The following CENPC variants were observed in gnomAD, a reference collection of about 807,000 sequenced individuals.
CENPC encodes CENP-C 1.
In CENPC, 63 loss-of-function variants were observed where a neutral mutation model predicts 112.1. The observed-to-expected ratio is 0.56, with a 90% CI of 0.46 to 0.69. The LOEUF is 0.69. CENPC is among the 30% of genes least tolerant of loss of function. The pLI, the probability that CENPC is intolerant of heterozygous loss-of-function variation, is 0.00. For missense variants in CENPC, 1,000 were observed against 1,103.8 expected (o/e 0.91, Z 1.33); for synonymous variants, 333 against 367.6 (o/e 0.91, Z 1.08).
intron 17 of CENPC, among the ~76,000 whole-genome samples, chr4:67,488,996 T>C (rs1725163839): frequency 6.6e-6 from 1 of 151,922 alleles, no homozygotes; most frequent in Non-Finnish European, 1.5e-5. Context: ...AAGAGAATCA[T>C]TCTGACTGTG....
At chr4:67,523,526 C>CAAG (rs979642734) in intron 5 of CENPC, among the ~76,000 whole-genome samples, 1 of 152,032 alleles carries the variant, frequency 6.6e-6, no homozygotes, top group African/African-American at 2.4e-5. Flanking sequence ...TACAGATAAG[C>CAAG]AAGAGGAGGA....
At chr4:67,505,713 T>C (rs1217621245) in intron 11 of CENPC, among the ~76,000 whole-genome samples, 2 of 152,160 alleles carry the variant, frequency 1.3e-5, no homozygotes, top group East Asian at 3.8e-4. Context: ...TTTCAATCCA[T>C]GGGGGTTGAA....
At chr4:67,504,692 G>A (rs563984565) in intron 12 of CENPC, among the ~76,000 whole-genome samples, 10 of 151,964 alleles carry the variant, frequency 6.6e-5, no homozygotes, top group Non-Finnish European at 1.5e-4. Context: ...CGTGGTGGCA[G>A]GTGCCTGTAA....
At chr4:67,491,653 T>G (rs895941503) in intron 16 of CENPC, among the ~76,000 whole-genome samples, 6 of 151,734 alleles carry the variant, frequency 4.0e-5, no homozygotes, top group African/African-American at 9.7e-5. Context: ...CTTCCAGGAC[T>G]TTGCAGCACC....
At chr4:67,526,848 A>AT (rs1726394530) in intron 5 of CENPC, among the ~76,000 whole-genome samples, 1 of 151,990 alleles carries the variant, frequency 6.6e-6, no homozygotes, top group Admixed American at 6.6e-5. Flanking sequence ...AACAGAAAAC[A>AT]TTTTTTTTAA....
intron 17 of CENPC, among the ~76,000 whole-genome samples, chr4:67,475,499 C>G (rs1219024693): frequency 6.6e-6 from 1 of 152,226 alleles, no homozygotes; most frequent in Non-Finnish European, 1.5e-5. Context: ...GAAATACAAA[C>G]CTGTCAACAT....
chr4:67,491,523 A>AGAGAGAGAGAGAGC (rs1725279023), intron 16 of CENPC, among the ~76,000 whole-genome samples: 1 of 132,700 alleles, frequency 7.5e-6, no homozygotes, highest in Non-Finnish European at 1.6e-5. Context: ...AGAGAGAGAG[A>AGAGAGAGAGAGAGC]GAGAGCCTGG....
intron 5 of CENPC, among the ~76,000 whole-genome samples, chr4:67,519,831 T>C (rs960517284): frequency 2.0e-5 from 3 of 152,162 alleles, no homozygotes; most frequent in Admixed American, 6.5e-5. Context: ...CATTTATCTA[T>C]AATGAGAAAA....
chr4:67,494,424 C>T (rs1725374502), intron 13 of CENPC, among the ~76,000 whole-genome samples: 1 of 152,174 alleles, frequency 6.6e-6, no homozygotes, highest in Non-Finnish European at 1.5e-5. Context: ...TGCTCAGGAA[C>T]ATTTTTATTT....
At chr4:67,535,836 A>AT (rs200047585) in intron 4 of CENPC, among the ~76,000 whole-genome samples, 1 of 151,228 alleles carries the variant, frequency 6.6e-6, no homozygotes. Flanking sequence ...GGGAAAAAAA[A>AT]TCAAGAAACA....
At chr4:67,495,343 C>A (rs902669397) in intron 12 of CENPC, 131 bp from the exon 13 acceptor site, 2 of 841,886 alleles carry the variant, frequency 2.4e-6, no homozygotes, top group Admixed American at 3.7e-5. Context: ...TTTATTACTC[C>A]TTTTGCTTTT....
chr4:67,485,474 C>CA lies in CENPC; in HGVS notation c.2670+4492_2670+4493insT, dbSNP rs200945714. Reference sequence around the variant, plus strand: ...ATTCACACTCTGGAATCTTAACCCCCCCAATGTGATGGGATCAGGAGGTGG... The same window carrying CA: ...ATTCACACTCTGGAATCTTAACCCCCACCAATGTGATGGGATCAGGAGGTGG... On this transcript the variant is annotated intron_variant, in intron 17 of 18. Coordinates refer to ENST00000273853, the MANE Select transcript of CENPC (RefSeq NM_001812.4). 1.6e-3 allele frequency among the ~76,000 whole-genome samples: 244 copies of CA among 151,876 alleles called. 1 individual carries two copies. Among genetic ancestry groups the CA allele is most frequent in the African/African-American group, 4.2e-3 (174 of 41,396 alleles).
chr4:67,495,107 AACTT>A, intron 13 of CENPC, 48 bp downstream of exon 13: 1 of 1,397,068 alleles, frequency 7.2e-7, no homozygotes, highest in Non-Finnish European at 9.6e-7. Flanking sequence ...TAGAAACAGA[AACTT>A]AAGGTATTTT....
chr4:67,505,021 CTG>C, intron 12 of CENPC, 182 bp downstream of exon 12: 1 of 560,888 alleles, frequency 1.8e-6, no homozygotes, highest in East Asian at 3.1e-5. Context: ...ACTTAAAAAA[CTG>C]TCACTCATTT....
intron 12 of CENPC, among the ~76,000 whole-genome samples, chr4:67,499,155 T>G (rs913525454): frequency 6.6e-6 from 1 of 152,194 alleles, no homozygotes; most frequent in Non-Finnish European, 1.5e-5. Context: ...TTTAGCATAA[T>G]TCTTAAGGAC....
At position 67,518,439 on chromosome 4, in the gene CENPC, C is replaced by G. The variant is rs1331601396; in HGVS notation, c.618-71G>C. The G allele has an allele frequency of 2.8e-6, 4 of 1,412,964 alleles. No individual in the cohort carries two copies. In the African/African-American group the frequency reaches 4.4e-5, roughly 15 times the overall value. 87.5% of individuals were successfully genotyped at this position (1,412,964 alleles called of 1,614,324 possible). ...CTTGAGTTATAAGTCTTCCTGAACT[C>G]CTTTACAGAGACAATACAGACCAAT... On this transcript the variant is annotated intron_variant, in intron 6 of 18. Transcript: ENST00000273853.
Position 67,469,953 on chromosome 4 carries a change from T to C in CENPC, c.*2652A>G, listed in dbSNP as rs1250898240. On this transcript the variant is annotated 3_prime_UTR_variant, in exon 19 of 19. Transcript: ENST00000273853. ...CAAGAACAGAACTTTCTGCAACTTG[T>C]ATCTGTGACATCTAATGTGGTAGCC... 6.6e-6 allele frequency: 1 copy of C among 152,238 alleles called. No homozygotes were observed. Among genetic ancestry groups the C allele is most frequent in the Non-Finnish European group, 1.5e-5 (1 of 68,036 alleles). The allele number at this position is 152,238 out of a possible 1,614,324, so 9.4% of individuals were successfully genotyped here.
chr4:67,491,521 A>AGCGCGC, intron 16 of CENPC, among the ~76,000 whole-genome samples: 1 of 134,768 alleles, frequency 7.4e-6, no homozygotes, highest in African/African-American at 2.8e-5. Context: ...AGAGAGAGAG[A>AGCGCGC]GAGAGAGCCT....
intron 5 of CENPC, among the ~76,000 whole-genome samples, chr4:67,521,204 C>CAAAAAAAAAAA (rs71219050): frequency 5.3e-5 from 7 of 131,422 alleles, no homozygotes; most frequent in Non-Finnish European, 6.4e-5. Flanking sequence ...CAAAACAAAC[C>CAAAAAAAAAAA]AAAAAAAAAA....
Sources: gnomAD v4.1 joint callset for allele counts (sites outside exome capture counted in the v4.1 genomes callset) on GRCh38, gnomAD v4.1.1 for gene constraint, MANE v1.5 for transcripts, NCBI Gene and HGNC (gene_info 2026-07-23, HGNC 2026-07-21) for gene names.